ATP11C: variants seen among roughly 807,000 people sequenced by gnomAD.
ATP11C encodes the protein ATPase phospholipid transporting 11C (ATP11C blood group).
A neutral mutation model predicts 97.4 loss-of-function variants in ATP11C; 36 were observed. The ratio of observed to expected loss-of-function variants is 0.37; its 90% CI spans 0.28 to 0.49. The LOEUF (loss-of-function observed/expected upper bound fraction) is 0.49, where lower values mean the gene tolerates loss of function less well. Among genes scored for constraint, ATP11C ranks in the 20% least tolerant of loss-of-function variants. The pLI is 0.98. For missense variants in ATP11C, 730 were observed against 824.6 expected (o/e 0.89, Z 1.40); for synonymous variants, 275 against 290.9 (o/e 0.95, Z 0.56).
chrX:139,738,477 C>T (rs1198968106), intron 27 of ATP11C, among the ~76,000 whole-genome samples: 1 of 111,437 alleles, frequency 9.0e-6, no homozygotes, highest in Non-Finnish European at 1.9e-5. Context: ...TTCAGAAATT[C>T]AAAAGACATT....
chrX:139,775,717 G>A (rs764408742), intron 18 of ATP11C, among the ~76,000 whole-genome samples: 1 of 112,517 alleles, frequency 8.9e-6, no homozygotes, highest in Admixed American at 9.3e-5. Flanking sequence ...CCTTACCTAG[G>A]GCAATGCCAT....
chrX:139,790,030 A>AGG (rs1022956411), intron 12 of ATP11C, among the ~76,000 whole-genome samples: 1 of 108,520 alleles, frequency 9.2e-6, no homozygotes, highest in Non-Finnish European at 1.9e-5. Context: ...ACTCTGTCTC[A>AGG]GGAAAAAAAA....
chrX:139,739,383 C>G (rs961681976), intron 27 of ATP11C, among the ~76,000 whole-genome samples: 1 of 109,290 alleles, frequency 9.1e-6, no homozygotes, highest in Non-Finnish European at 1.9e-5. Context: ...GTTTGGGGCT[C>G]GGAAGTCATC....
At position 139,827,510 on chromosome X, in the gene ATP11C, G is replaced by A. The variant is rs756789653; in HGVS notation, c.28-687C>T. On this transcript the variant is annotated intron_variant, in intron 1 of 29. Transcript: ENST00000682941. ...CCGAACCTAAAAGTTTCAAGATTGG[G>A]CTCTATTTTATCCCACCCTTTAATT... is the stretch of plus-strand genomic sequence containing the variant. 2.7e-5 allele frequency among the ~76,000 whole-genome samples: 3 copies of A among 110,941 alleles called. No individual in the cohort carries two copies. In the Admixed American group the frequency reaches 2.9e-4, roughly 11 times the overall value.
At chrX:139,750,252 A>G in intron 23 of ATP11C, 100 bp from the exon 24 acceptor site, 1 of 844,652 alleles carries the variant, frequency 1.2e-6, no homozygotes, top group East Asian at 3.4e-5. Flanking sequence ...TAAAATAAGA[A>G]ATTTTTTTAC....
At chrX:139,748,866 G>C (rs1481639783) in intron 24 of ATP11C, among the ~76,000 whole-genome samples, 1 of 111,800 alleles carries the variant, frequency 8.9e-6, no homozygotes, top group Non-Finnish European at 1.9e-5. Context: ...ACCTTCTTTA[G>C]ATCCTGATTC....
chrX:139,866,361 A>AAAAAAAC (rs2084285903), intron 1 of ATP11C, among the ~76,000 whole-genome samples: 2 of 104,522 alleles, frequency 1.9e-5, no homozygotes, highest in Admixed American at 2.1e-4. Context: ...AAAAAAAAAA[A>AAAAAAAC]AAAAAACAGA....
chrX:139,763,485 G>A (rs1232589097), intron 20 of ATP11C, 67 bp from the exon 21 acceptor site: 11 of 819,345 alleles, frequency 1.3e-5, no homozygotes, highest in African/African-American at 4.1e-5. Context: ...GCTACTTTAG[G>A]GGTTTATGCC....
At chrX:139,890,460 A>G (rs2084710745) in intron 1 of ATP11C, among the ~76,000 whole-genome samples, 1 of 111,371 alleles carries the variant, frequency 9.0e-6, no homozygotes, top group Non-Finnish European at 1.9e-5. Context: ...TGAGCCTAAA[A>G]GTTCAAAGCT....
chrX:139,757,577 T>A (rs1050829488), intron 23 of ATP11C, among the ~76,000 whole-genome samples: 1 of 111,859 alleles, frequency 8.9e-6, no homozygotes, highest in Non-Finnish European at 1.9e-5. Flanking sequence ...AAATTCAAAA[T>A]ACTCTTTTTA....
rs142035084 is a variant in ATP11C at position 139,808,772 on chromosome X, A to C, written c.427-4173T>G. Among the ~76,000 whole-genome samples, 235 of 112,554 alleles carry C rather than the reference A, an allele frequency of 2.1e-3. 1 individual carries two copies. Among genetic ancestry groups the C allele is most frequent in the Non-Finnish European group, 3.5e-3 (188 of 53,297 alleles). ...AATTTAAATCTGCATAGGGAAATGA[A>C]AAAATGTGGGTAAATATAAAATATA... On this transcript the variant is annotated intron_variant, in intron 5 of 29. Transcript: ENST00000682941.
chrX:139,785,221 T>A lies in ATP11C; in HGVS notation c.1666+5A>T, dbSNP rs780077986. The A allele has an allele frequency of 1.7e-5, 20 of 1,192,758 alleles. No individual in the cohort carries two copies. Among genetic ancestry groups the A allele is most frequent in the African/African-American group, 3.5e-5 (2 of 56,677 alleles). ...GAGAAAAATTCAAGCTTTTCAGACA[T>A]GTACCTTCTTGAGTCTTCACAATTA... On this transcript the variant is annotated splice_donor_5th_base_variant and intron_variant, in intron 16 of 29. Transcript: ENST00000682941.
At chrX:139,915,304 C>T (rs961072672) in intron 1 of ATP11C, among the ~76,000 whole-genome samples, 4 of 111,273 alleles carry the variant, frequency 3.6e-5, no homozygotes, top group Non-Finnish European at 7.5e-5. Flanking sequence ...ACTTGCACCT[C>T]GATAAAGCTG....
At chrX:139,779,860 A>C in intron 18 of ATP11C, among the ~76,000 whole-genome samples, 2 of 112,077 alleles carry the variant, frequency 1.8e-5, no homozygotes, top group South Asian at 7.4e-4. Context: ...GCACAATCAG[A>C]AATGACAAAG....
intron 1 of ATP11C, chrX:139,832,146 T>C: frequency 8.3e-7 from 1 of 1,207,121 alleles, no homozygotes; most frequent in Non-Finnish European, 1.1e-6. Flanking sequence ...TAAATATAGA[T>C]TACAAACCTC....
At chrX:139,862,901 T>TG (rs985448283) in intron 1 of ATP11C, among the ~76,000 whole-genome samples, 3 of 111,427 alleles carry the variant, frequency 2.7e-5, no homozygotes, top group African/African-American at 9.8e-5. Flanking sequence ...CATGGTGCCT[T>TG]GGGGAATAAC....
intron 25 of ATP11C, among the ~76,000 whole-genome samples, chrX:139,744,522 C>A (rs948602028): frequency 1.8e-5 from 2 of 112,206 alleles, no homozygotes; most frequent in South Asian, 7.4e-4. Context: ...AGGAGAGTAT[C>A]TGCCTACTTT....
intron 9 of ATP11C, 84 bp from the exon 10 acceptor site, chrX:139,798,438 TA>T: frequency 1.3e-6 from 1 of 755,686 alleles, no homozygotes; most frequent in Non-Finnish European, 2.0e-6. Flanking sequence ...TTTAAGTCTA[TA>T]AAAGTGGGAA....
chrX:139,874,822 T>TA (rs2084441976), intron 1 of ATP11C, among the ~76,000 whole-genome samples: 1 of 111,623 alleles, frequency 9.0e-6, no homozygotes, highest in Non-Finnish European at 1.9e-5. Context: ...AAGGGAGAGG[T>TA]AAAATGAATG....
Sources: gnomAD v4.1 joint callset for allele counts (sites outside exome capture counted in the v4.1 genomes callset) on GRCh38, gnomAD v4.1.1 for gene constraint, MANE v1.5 for transcripts, NCBI Gene and HGNC (gene_info 2026-07-23, HGNC 2026-07-21) for gene names.